The following HNRNPR variants were observed in gnomAD, a reference collection of about 807,000 sequenced individuals.
HNRNPR encodes heterogeneous nuclear ribonucleoprotein R.
Under a neutral mutation model 70.3 loss-of-function variants are expected in HNRNPR, and 4 were observed. The ratio of observed to expected loss-of-function variants is 0.06; its 90% CI spans 0.03 to 0.13. The LOEUF (loss-of-function observed/expected upper bound fraction) is 0.13, where lower values mean the gene tolerates loss of function less well. Ranked by LOEUF, HNRNPR falls within the 10% of genes least tolerant of loss-of-function variation. HNRNPR has a pLI of 1.00. For missense variants in HNRNPR, 423 were observed against 788.5 expected (o/e 0.54, Z 5.55); for synonymous variants, 241 against 267.6 (o/e 0.90, Z 0.97).
chr1:23,324,173 T>C (rs1457804847), intron 5 of HNRNPR, among the ~76,000 whole-genome samples: 4 of 151,450 alleles, frequency 2.6e-5, no homozygotes, highest in Non-Finnish European at 5.9e-5. Context: ...AAAATTAATT[T>C]ATAAATTAAA....
chr1:23,343,643 C>T (rs1362551166), intron 1 of HNRNPR, among the ~76,000 whole-genome samples: 1 of 152,198 alleles, frequency 6.6e-6, no homozygotes, highest in East Asian at 1.9e-4. Flanking sequence ...TCTCAGCCCG[C>T]GGCATGCAGA....
chr1:23,318,792 C>A lies in HNRNPR; in HGVS notation c.812-104G>T. On this transcript the variant is annotated intron_variant, in intron 7 of 10. Coordinates refer to ENST00000302271, the MANE Select transcript of HNRNPR (RefSeq NM_005826.5). The surrounding 1 kb of genome is among the most constrained non-coding windows in gnomAD (Gnocchi z 4.2). ...GACGATGAGCAAAATATAAGTGAAG[C>A]AGCCTCAACATGAGTCACTAATTTT... 1.0e-6 allele frequency: 1 copy of A among 990,258 alleles called. No individual in the cohort carries two copies. Among genetic ancestry groups the A allele is most frequent in the Non-Finnish European group, 1.5e-6 (1 of 656,342 alleles). 61.3% of individuals were successfully genotyped at this position (990,258 alleles called of 1,614,324 possible). A position where few individuals can be genotyped will look rare whatever the true frequency, so the allele number is the denominator to read the frequency against.
intron 6 of HNRNPR, 58 bp downstream of exon 6, chr1:23,323,495 TGAA>T: frequency 6.9e-7 from 1 of 1,453,922 alleles, no homozygotes. Flanking sequence ...CAAACATTTT[TGAA>T]TTAAAGTTTA....
At chr1:23,325,231 G>C (rs892294023) in intron 5 of HNRNPR, among the ~76,000 whole-genome samples, 23 of 152,134 alleles carry the variant, frequency 1.5e-4, no homozygotes, top group African/African-American at 5.6e-4. Flanking sequence ...ATTTTCTAGT[G>C]AAACTCATCT....
rs1039951967 is a variant in HNRNPR at position 23,305,881 on chromosome 1, G to A, written c.*4573C>T. 8.5e-5 allele frequency: 13 copies of A among 152,052 alleles called. No homozygotes were observed. The highest frequency in any genetic ancestry group is 1.5e-5 in the Non-Finnish European group (1 of 67,978). 9.4% of individuals were successfully genotyped at this position (152,052 alleles called of 1,614,324 possible). On this transcript the variant is annotated 3_prime_UTR_variant, in exon 11 of 11. Transcript: ENST00000302271. ...TGTCTCAACATATCTCTAAATTGAGGCCATTATTGTCAAACTGCTAAAACT... is the reference window on the plus strand; with the variant it reads ...TGTCTCAACATATCTCTAAATTGAGACCATTATTGTCAAACTGCTAAAACT...
intron 5 of HNRNPR, among the ~76,000 whole-genome samples, chr1:23,326,835 T>A (rs1646002739): frequency 1.3e-5 from 2 of 152,154 alleles, no homozygotes; most frequent in African/African-American, 4.8e-5. Context: ...ATCCTTGCCT[T>A]CTCTACAAGT....
At chr1:23,342,858 T>G (rs1180811030) in intron 1 of HNRNPR, among the ~76,000 whole-genome samples, 2 of 152,172 alleles carry the variant, frequency 1.3e-5, no homozygotes, top group East Asian at 3.8e-4. Context: ...GTGTATTAAG[T>G]ACAAGACAGA....
intron 4 of HNRNPR, among the ~76,000 whole-genome samples, chr1:23,336,317 G>A (rs1222602499): frequency 6.6e-6 from 1 of 151,208 alleles, no homozygotes; most frequent in Non-Finnish European, 1.5e-5. Context: ...TGTAATCCCA[G>A]CACTTTGGGA....
intron 4 of HNRNPR, 121 bp from the exon 5 acceptor site, chr1:23,333,752 A>C: frequency 2.7e-6 from 1 of 366,444 alleles, no homozygotes. Context: ...ATGGTTAGGT[A>C]AAAAAAAAAG....
In HNRNPR at chr1:23,318,717, C is replaced by T. The variant is rs1288822675; in HGVS notation, c.812-29G>A. 6.2e-7 allele frequency: 1 copy of T among 1,607,904 alleles called. No individual in the cohort carries two copies. Among genetic ancestry groups the T allele is most frequent in the South Asian group, 1.1e-5 (1 of 90,692 alleles). ...TTAAACCAACAGCCAGATATATAAGCCAAAAGCATCCACCACACATCTAGC... is the reference window on the plus strand; with the variant it reads ...TTAAACCAACAGCCAGATATATAAGTCAAAAGCATCCACCACACATCTAGC... On this transcript the variant is annotated intron_variant, in intron 7 of 10. Transcript: ENST00000302271. This position sits in a 1 kb window ranked among gnomAD's most constrained non-coding sequence, Gnocchi z 4.2.
intron 4 of HNRNPR, among the ~76,000 whole-genome samples, chr1:23,336,718 CT>C (rs1646505371): frequency 7.0e-6 from 1 of 142,552 alleles, no homozygotes; most frequent in Admixed American, 6.9e-5. Flanking sequence ...TGAGATGGCG[CT>C]ACTGCACTCC....
intron 1 of HNRNPR, among the ~76,000 whole-genome samples, chr1:23,343,648 T>C (rs986965489): frequency 1.3e-5 from 2 of 152,220 alleles, no homozygotes; most frequent in Admixed American, 1.3e-4. Flanking sequence ...GCCCGCGGCA[T>C]GCAGAATGTG....
At chr1:23,311,167 G>A in intron 10 of HNRNPR, 34 bp downstream of exon 10, 1 of 1,612,272 alleles carries the variant, frequency 6.2e-7, no homozygotes, top group Non-Finnish European at 8.5e-7. Flanking sequence ...GTTATTCCTT[G>A]TCCAAAGATA....
intron 10 of HNRNPR, 24 bp downstream of exon 10, chr1:23,311,164 CTTGTCCAAAGATA>C (rs1645322347): frequency 1.2e-6 from 2 of 1,612,156 alleles, no homozygotes; most frequent in East Asian, 4.5e-5. Flanking sequence ...CACGTTATTC[CTTGTCCAAAGATA>C]TATCTACTAA....
In HNRNPR at chr1:23,344,039, C is replaced by A. The variant is rs1319882953; in HGVS notation, c.-10+172G>T. 2.0e-5 allele frequency among the ~76,000 whole-genome samples: 3 copies of A among 152,056 alleles called. No homozygotes were observed. The South Asian group carries it at 6.2e-4, about 31-fold the overall frequency. Reference sequence around the variant, plus strand: ...GAGGGCGAGAAGCGTTTCGGCCGGGCTAGGCCCACAGCCGCGCGGGCGGAC... The same window carrying A: ...GAGGGCGAGAAGCGTTTCGGCCGGGATAGGCCCACAGCCGCGCGGGCGGAC... On this transcript the variant is annotated intron_variant, in intron 1 of 10. Coordinates refer to ENST00000302271, the MANE Select transcript of HNRNPR (RefSeq NM_005826.5).
rs941586824 is a variant in HNRNPR, at chr1:23,305,702, T to C, written c.*4752A>G. The C allele has an allele frequency of 2.0e-5, 3 of 149,982 alleles. No homozygotes were observed. Among genetic ancestry groups the C allele is most frequent in the African/African-American group, 7.3e-5 (3 of 41,226 alleles). 9.3% of individuals were successfully genotyped at this position (149,982 alleles called of 1,614,324 possible). A position where few individuals can be genotyped will look rare whatever the true frequency, so the allele number is the denominator to read the frequency against. On this transcript the variant is annotated 3_prime_UTR_variant, in exon 11 of 11. Transcript: ENST00000302271. Reference sequence around the variant, plus strand: ...GAGGGATTTTAATCTTTAGCAATAATTTAAATATTGACTCTTAATTCTACC... The same window carrying C: ...GAGGGATTTTAATCTTTAGCAATAACTTAAATATTGACTCTTAATTCTACC...
In HNRNPR at chr1:23,337,746, A is replaced by C; in HGVS notation, c.384+8T>G. The C allele has an allele frequency of 1.9e-6, 3 of 1,559,676 alleles. No individual in the cohort carries two copies. The highest frequency in any genetic ancestry group is 2.6e-6 in the Non-Finnish European group (3 of 1,136,026). On this transcript the variant is annotated splice_region_variant and intron_variant, in intron 4 of 10. Transcript: ENST00000302271. ...AATTTCATTACAACTACCCAAGTCA[A>C]GTTTTACCTTGATCTTCGCTTCATC...
At chr1:23,329,999 C>A (rs1247731838) in intron 5 of HNRNPR, among the ~76,000 whole-genome samples, 1 of 152,058 alleles carries the variant, frequency 6.6e-6, no homozygotes, top group African/African-American at 2.4e-5. Context: ...TGCTATCTTG[C>A]AAATATATCA....
chr1:23,341,320 A>G (rs1006187363), intron 1 of HNRNPR, among the ~76,000 whole-genome samples: 2 of 152,198 alleles, frequency 1.3e-5, no homozygotes, highest in Non-Finnish European at 2.9e-5. Context: ...TGTCCTGGTG[A>G]AAAGATCAAA....
Sources: allele counts gnomAD v4.1 joint callset (sites outside exome capture counted in the v4.1 genomes callset), GRCh38; gene constraint gnomAD v4.1.1; non-coding constraint Gnocchi (gnomAD v3.1); transcripts MANE v1.5; gene names NCBI Gene and HGNC (gene_info 2026-07-23, HGNC 2026-07-21).